TENM3: variants seen among roughly 807,000 people sequenced by gnomAD.
TENM3 encodes teneurin transmembrane protein 3.
Under a neutral mutation model 255.1 loss-of-function variants are expected in TENM3, and 63 were observed. The ratio of observed to expected loss-of-function variants is 0.25; its 90% CI spans 0.20 to 0.30. The LOEUF (loss-of-function observed/expected upper bound fraction) is 0.30. TENM3 is among the 10% of genes least tolerant of loss of function. The probability of loss-of-function intolerance (pLI) is 1.00; values close to 1 mark genes in which losing one functional copy is unlikely to be tolerated. For synonymous variants in TENM3, 1,306 were observed against 1,322.3 expected, an observed-to-expected ratio of 0.99 and a Z score of 0.27; for missense variants, 2,929 against 3,461.1, an observed-to-expected ratio of 0.85 and a Z score of 3.86.
intron 3 of TENM3, among the ~76,000 whole-genome samples, chr4:182,365,738 T>G (rs1766393581): frequency 6.6e-6 from 1 of 152,214 alleles, no homozygotes; most frequent in African/African-American, 2.4e-5. Flanking sequence ...TACAGTCCTG[T>G]GCCACTTAAC....
At chr4:182,662,950 C>T (rs17073736) in intron 6 of TENM3, among the ~76,000 whole-genome samples, 36,266 of 152,030 alleles carry the variant, frequency 0.24, 4,585 homozygotes, top group Admixed American at 0.39. Flanking sequence ...CTTCACGAAA[C>T]CCTAGTCCCC....
chr4:181,862,083 G>A, the TENM3 span, among the ~76,000 whole-genome samples: 5 of 152,090 alleles, frequency 3.3e-5, no homozygotes, highest in African/African-American at 7.2e-5. Context: ...CGTTTAAGAC[G>A]TGTTTTGTAG....
intron 13 of TENM3, among the ~76,000 whole-genome samples, chr4:182,716,146 A>G (rs940047807): frequency 1.3e-5 from 2 of 152,144 alleles, no homozygotes; most frequent in Admixed American, 6.5e-5. Flanking sequence ...CAATGTTGCT[A>G]TTGCCTAGGG....
At chr4:182,201,311 C>T (rs1370230812) in intron 1 of TENM3, among the ~76,000 whole-genome samples, 1 of 152,044 alleles carries the variant, frequency 6.6e-6, no homozygotes, top group East Asian at 1.9e-4. Context: ...AAAATCATCT[C>T]CAATTTCTAA....
At chr4:182,492,915 C>A (rs1735437396) in intron 3 of TENM3, among the ~76,000 whole-genome samples, 1 of 151,332 alleles carries the variant, frequency 6.6e-6, no homozygotes. Flanking sequence ...CAGTCAAAAG[C>A]CAAATTGTCA....
chr4:182,198,973 TGCCTACTTC>T (rs1438320598), intron 1 of TENM3, among the ~76,000 whole-genome samples: 92 of 152,264 alleles, frequency 6.0e-4, no homozygotes, highest in Admixed American at 2.1e-3. Context: ...AGTAGGCCCT[TGCCTACTTC>T]TGCCTCATTT....
At chr4:182,563,519 C>A (rs981093121) in intron 3 of TENM3, among the ~76,000 whole-genome samples, 12 of 152,112 alleles carry the variant, frequency 7.9e-5, no homozygotes, top group Non-Finnish European at 1.5e-5. Context: ...TTCACTTTCA[C>A]TTTTACTTGA....
intron 3 of TENM3, among the ~76,000 whole-genome samples, chr4:182,483,867 C>G (rs1734439146): frequency 1.3e-5 from 2 of 151,996 alleles, no homozygotes; most frequent in South Asian, 4.2e-4. Context: ...AAGTGCTACC[C>G]ATTCTTAACC....
Position 182,793,362 on chromosome 4 carries a change from C to T in TENM3, c.6690C>T (p.Asp2230=), listed in dbSNP as rs369647107. The change falls in exon 26 of 28, where the codon GAC becomes GAT. Residue 2230 remains aspartate (D), a synonymous_variant. Transcript: ENST00000511685. This position sits in a 1 kb window ranked among gnomAD's most constrained non-coding sequence, Gnocchi z 5.7. ...GSGWTVIYRY[D]GLGRRVSSKT... ...GCTGGACAGTGATCTACCGTTATGA[C>T]GGCCTGGGAAGGCGTGTTTCTAGCA... 2.2e-5 allele frequency: 36 copies of T among 1,613,550 alleles called. No individual in the cohort carries two copies. The highest frequency in any genetic ancestry group is 6.7e-5 in the Admixed American group (4 of 59,988).
intron 3 of TENM3, among the ~76,000 whole-genome samples, chr4:182,539,049 T>C (rs1260301896): frequency 2.0e-5 from 3 of 151,684 alleles, no homozygotes; most frequent in Admixed American, 2.0e-4. Context: ...AGATGATAAC[T>C]GACACTGTGC....
the TENM3 span, among the ~76,000 whole-genome samples, chr4:181,561,093 C>T: frequency 1.3e-5 from 2 of 152,116 alleles, no homozygotes; most frequent in Non-Finnish European, 2.9e-5. Context: ...GCTGGGATTT[C>T]GGGTGTGTGC....
the TENM3 span, among the ~76,000 whole-genome samples, chr4:182,133,334 T>G: frequency 1.3e-5 from 2 of 152,218 alleles, no homozygotes; most frequent in African/African-American, 4.8e-5. Context: ...AGAAATAGCA[T>G]GGGATGCTGA....
chr4:181,575,846 A>G, the TENM3 span, among the ~76,000 whole-genome samples: 1 of 152,314 alleles, frequency 6.6e-6, no homozygotes, highest in Non-Finnish European at 1.5e-5. Flanking sequence ...TATCTTCTCC[A>G]TGGACACAGA....
At chr4:181,942,777 A>G in the TENM3 span, among the ~76,000 whole-genome samples, 1 of 152,226 alleles carries the variant, frequency 6.6e-6, no homozygotes, top group Non-Finnish European at 1.5e-5. Context: ...ATGGAAAAAA[A>G]TATTTTTAAA....
At position 182,792,038 on chromosome 4, in the gene TENM3, T is replaced by C. The variant is rs6828786; in HGVS notation, c.5602-236T>C. On this transcript the variant is annotated intron_variant, in intron 25 of 27. Transcript: ENST00000511685. The surrounding 1 kb of genome is among the most constrained non-coding windows in gnomAD (Gnocchi z 6.3). The stretch of plus-strand genomic sequence containing the variant: ...TGAATGTCTGGGAAAATAATGGTAC[T>C]GTCGTGACAGGCAGCACATTGTGAA... Among the ~76,000 whole-genome samples the C allele has an allele frequency of 0.12, 18,938 of 152,180 alleles. 1,298 individuals carry two copies. Among genetic ancestry groups the C allele is most frequent in the Admixed American group, 0.17 (2,600 of 15,286 alleles).
At chr4:181,879,264 C>G in the TENM3 span, among the ~76,000 whole-genome samples, 1 of 149,944 alleles carries the variant, frequency 6.7e-6, no homozygotes, top group Non-Finnish European at 1.5e-5. Flanking sequence ...TCATTACAGG[C>G]AAAAAGAAAG....
Position 182,783,153 on chromosome 4 carries a change from A to G in TENM3, c.5305-5940A>G, listed in dbSNP as rs1471916456. ...TTGATGCAGTTTCTTCCTAGTCTTGATGGTCTTTACATTTTGGCATGACTT... is the reference window on the plus strand; with the variant it reads ...TTGATGCAGTTTCTTCCTAGTCTTGGTGGTCTTTACATTTTGGCATGACTT... On this transcript the variant is annotated intron_variant, in intron 24 of 27. Transcript: ENST00000511685. Among the ~76,000 whole-genome samples, 8 of 152,022 alleles carry G rather than the reference A, an allele frequency of 5.3e-5. No homozygotes were observed. The East Asian group carries it at 1.4e-3, about 26-fold the overall frequency.
the TENM3 span, among the ~76,000 whole-genome samples, chr4:182,128,538 G>T: frequency 6.6e-6 from 1 of 152,056 alleles, no homozygotes; most frequent in Admixed American, 6.6e-5. Context: ...GTTTTAACTA[G>T]TGCTTCTATT....
chr4:181,681,857 C>G, the TENM3 span, among the ~76,000 whole-genome samples: 7 of 151,892 alleles, frequency 4.6e-5, no homozygotes, highest in Admixed American at 2.6e-4. Context: ...TGTGATGAAA[C>G]TCTATACCTT....
Sources: gnomAD v4.1 joint callset for allele counts (sites outside exome capture counted in the v4.1 genomes callset) on GRCh38, gnomAD v4.1.1 for gene constraint, Gnocchi (gnomAD v3.1) non-coding constraint, MANE v1.5 for transcripts, NCBI Gene and HGNC (gene_info 2026-07-23, HGNC 2026-07-21) for gene names.